The following PPP2R1B variants were observed in gnomAD, a reference collection of about 807,000 sequenced individuals.
PPP2R1B encodes protein phosphatase 2 scaffold subunit Abeta.
PPP2R1B carries 58 observed loss-of-function variants against 72.7 expected under a neutral mutation model. The ratio of observed to expected loss-of-function variants is 0.80; its 90% CI spans 0.65 to 0.99. The LOEUF (loss-of-function observed/expected upper bound fraction) is 0.99. PPP2R1B is among the 50% of genes least tolerant of loss of function. PPP2R1B has a pLI of 0.00. For missense variants in PPP2R1B, 695 were observed against 733.6 expected (o/e 0.95, Z 0.61); for synonymous variants, 256 against 264.6 (o/e 0.97, Z 0.32).
intron 10 of PPP2R1B, 102 bp from the exon 11 acceptor site, chr11:111,748,116 G>T: frequency 2.0e-6 from 2 of 982,870 alleles, no homozygotes; most frequent in Non-Finnish European, 3.0e-6. Context: ...AAAAAAACTT[G>T]TTTCCAAATA....
intron 11 of PPP2R1B, 39 bp from the exon 12 acceptor site, chr11:111,743,569 T>C (rs576911084): frequency 1.3e-6 from 2 of 1,576,054 alleles, no homozygotes; most frequent in East Asian, 2.3e-5. Context: ...ATATCGCTTA[T>C]TGTTTTTTAA....
At chr11:111,695,993 C>T in the PPP2R1B span, among the ~76,000 whole-genome samples, 9 of 152,284 alleles carry the variant, frequency 5.9e-5, no homozygotes, top group African/African-American at 2.2e-4. Context: ...AATAGCAGCT[C>T]TAGGGCTGTG....
the PPP2R1B span, among the ~76,000 whole-genome samples, chr11:111,702,313 A>G: frequency 1.3e-5 from 2 of 152,218 alleles, no homozygotes; most frequent in Non-Finnish European, 2.9e-5. Flanking sequence ...AGTCAGGTGC[A>G]GTGGTTTATA....
chr11:111,690,444 T>A, the PPP2R1B span, among the ~76,000 whole-genome samples: 47 of 151,874 alleles, frequency 3.1e-4, no homozygotes, highest in Admixed American at 9.8e-4. Context: ...TTTTTTATTT[T>A]TTATTATTAT....
At chr11:111,716,650 G>A in the PPP2R1B span, among the ~76,000 whole-genome samples, 1 of 152,138 alleles carries the variant, frequency 6.6e-6, no homozygotes, top group African/African-American at 2.4e-5. Flanking sequence ...GCTGTCCCAG[G>A]ATAAAATCGA....
rs1265130241 is a variant in PPP2R1B at position 111,751,135 on chromosome 11, G to A, written c.1338+1024C>T. ...TTTACAGGTGTCAGCCACTGTGCCC[G>A]GCCTTTCAATACTTCTTTTCTATAT... On this transcript the variant is annotated intron_variant, in intron 10 of 14. Coordinates refer to ENST00000527614, the MANE Select transcript of PPP2R1B (RefSeq NM_002716.5). 2.0e-5 allele frequency among the ~76,000 whole-genome samples: 3 copies of A among 152,026 alleles called. No individual in the cohort carries two copies. In the East Asian group the frequency reaches 5.8e-4, roughly 29 times the overall value.
chr11:111,709,556 A>G, the PPP2R1B span, among the ~76,000 whole-genome samples: 3 of 152,262 alleles, frequency 2.0e-5, no homozygotes, highest in African/African-American at 7.2e-5. Flanking sequence ...TTTGTTGGAC[A>G]TAATCATTGC....
chr11:111,730,117 AAAGT>A (rs1331337823), intron 15 of PPP2R1B: 2 of 152,268 alleles, frequency 1.3e-5, no homozygotes, highest in Admixed American at 6.5e-5. Flanking sequence ...TAGGATTAAA[AAAGT>A]AATAACAGAC....
chr11:111,766,091 A>G, intron 1 of PPP2R1B, 157 bp downstream of exon 1: 1 of 708,734 alleles, frequency 1.4e-6, no homozygotes, highest in East Asian at 2.7e-5. Context: ...GTGTCACCAC[A>G]GCCCCTCGCG....
At chr11:111,761,159 A>G (rs1231945036) in intron 3 of PPP2R1B, 108 bp from the exon 4 acceptor site, 5 of 933,144 alleles carry the variant, frequency 5.4e-6, no homozygotes, top group Non-Finnish European at 8.4e-6. Context: ...CGTAACCAGA[A>G]TGTTAGCTGC....
At chr11:111,703,897 A>G in the PPP2R1B span, among the ~76,000 whole-genome samples, 2 of 152,324 alleles carry the variant, frequency 1.3e-5, no homozygotes, top group South Asian at 4.1e-4. Flanking sequence ...TGGAAGTATT[A>G]GGGGTCATAG....
chr11:111,738,134 C>T lies in PPP2R1B; in HGVS notation c.*3462G>A, dbSNP rs1160795987. 2 of 987,490 alleles carry T rather than the reference C, an allele frequency of 2.0e-6. No individual in the cohort carries two copies. Among genetic ancestry groups the T allele is most frequent in the Admixed American group, 6.0e-5 (1 of 16,738 alleles). 61.2% of individuals were successfully genotyped at this position (987,490 alleles called of 1,614,324 possible). On this transcript the variant is annotated 3_prime_UTR_variant, in exon 15 of 15. Coordinates refer to ENST00000527614, the MANE Select transcript of PPP2R1B (RefSeq NM_002716.5). ...AAGGAACTGGATGGAAACAGGAATA[C>T]TGGAGAATCAAAGGGAAACAGTTAC...
chr11:111,744,141 C>G (rs936086899), intron 11 of PPP2R1B, among the ~76,000 whole-genome samples: 1 of 152,068 alleles, frequency 6.6e-6, no homozygotes, highest in Non-Finnish European at 1.5e-5. Flanking sequence ...TAGGGTGGAC[C>G]CAGACTGCAG....
downstream of PPP2R1B, among the ~76,000 whole-genome samples, chr11:111,736,476 C>G (rs1468627438): frequency 1.3e-5 from 2 of 152,190 alleles, no homozygotes; most frequent in African/African-American, 4.8e-5. Flanking sequence ...CCCTGAGGCC[C>G]AGTTCTGTGA....
downstream of PPP2R1B, among the ~76,000 whole-genome samples, chr11:111,733,627 T>A (rs1167125416): frequency 6.6e-6 from 1 of 151,264 alleles, no homozygotes. Context: ...TAGTTGGGGG[T>A]GGGACACAAT....
downstream of PPP2R1B, chr11:111,722,890 T>TTAGTAATCGTGCTCA: frequency 1.4e-6 from 1 of 729,374 alleles, no homozygotes; most frequent in Non-Finnish European, 2.3e-6. This position sits in a 1 kb window ranked among gnomAD's most constrained non-coding sequence, Gnocchi z 4.4. Context: ...ACAGGCCCTC[T>TTAGTAATCGTGCTCA]GAGCACGATT....
At position 111,741,588 on chromosome 11, in the gene PPP2R1B, G is replaced by A. The variant is rs1283915474; in HGVS notation, c.*8C>T. 1 of 1,613,272 alleles carries A rather than the reference G, an allele frequency of 6.2e-7. No homozygotes were observed. Among genetic ancestry groups the A allele is most frequent in the South Asian group, 1.1e-5 (1 of 90,800 alleles). Reference sequence around the variant, plus strand: ...ATCTAGTAAAGGCCTTTTCCCTCCTGCTCCTCATTATGCCAATGCAAGAAC... The same window carrying A: ...ATCTAGTAAAGGCCTTTTCCCTCCTACTCCTCATTATGCCAATGCAAGAAC... On this transcript the variant is annotated 3_prime_UTR_variant, in exon 15 of 15. Transcript: ENST00000527614.
At chr11:111,721,958 C>T (rs757928902), downstream of PPP2R1B, 33 of 1,534,588 alleles carry the variant, frequency 2.2e-5, no homozygotes, top group South Asian at 9.7e-5. Flanking sequence ...CTTCTCCTTG[C>T]GAGTCCACCT....
chr11:111,753,687 CATGACCTTG>C, intron 8 of PPP2R1B, 110 bp from the exon 9 acceptor site: 1 of 1,223,390 alleles, frequency 8.2e-7, no homozygotes, highest in Non-Finnish European at 1.1e-6. Context: ...AGTGCAGTGG[CATGACCTTG>C]GCTCACTGCA....
Sources: allele counts gnomAD v4.1 joint callset (sites outside exome capture counted in the v4.1 genomes callset), GRCh38; gene constraint gnomAD v4.1.1; non-coding constraint Gnocchi (gnomAD v3.1); transcripts MANE v1.5; gene names NCBI Gene and HGNC (gene_info 2026-07-23, HGNC 2026-07-21).